SLC24A2: variants seen among roughly 807,000 people sequenced by gnomAD.
The protein encoded by SLC24A2 is sodium/potassium/calcium exchanger 2.
A neutral mutation model predicts 62.0 loss-of-function variants in SLC24A2; 36 were observed. The observed-to-expected ratio is 0.58, with a 90% CI of 0.44 to 0.77. SLC24A2 has a LOEUF of 0.77. Among genes scored for constraint, SLC24A2 ranks in the 30% least tolerant of loss-of-function variants. The probability of loss-of-function intolerance (pLI) is 0.00; values close to 1 mark genes in which losing one functional copy is unlikely to be tolerated. For synonymous variants in SLC24A2, 358 were observed against 294.0 expected (o/e 1.22, Z -2.23); for missense variants, 846 against 817.9 (o/e 1.03, Z -0.42).
chr9:20,202,239 C>T, the SLC24A2 span, among the ~76,000 whole-genome samples: 4 of 152,190 alleles, frequency 2.6e-5, no homozygotes, highest in Non-Finnish European at 5.9e-5. Flanking sequence ...TTGTGCAAAA[C>T]ACGCCAGAGA....
intron 8 of SLC24A2, among the ~76,000 whole-genome samples, chr9:19,542,836 G>C (rs183091673): frequency 6.6e-6 from 1 of 152,130 alleles, no homozygotes; most frequent in Non-Finnish European, 1.5e-5. Flanking sequence ...GATTTGGTTT[G>C]CCAGTATTTT....
intron 2 of SLC24A2, among the ~76,000 whole-genome samples, chr9:19,709,931 A>G (rs552377397): frequency 2.0e-5 from 3 of 152,210 alleles, no homozygotes; most frequent in Non-Finnish European, 2.9e-5. Context: ...AAAGAAATGA[A>G]GGACCTTGAA....
chr9:20,298,489 A>C, the SLC24A2 span, among the ~76,000 whole-genome samples: 1 of 152,214 alleles, frequency 6.6e-6, no homozygotes, highest in Non-Finnish European at 1.5e-5. Flanking sequence ...TCGGCCTCCC[A>C]AAGTGCTGGG....
chr9:20,154,649 TAAA>T, the SLC24A2 span, among the ~76,000 whole-genome samples: 105 of 147,336 alleles, frequency 7.1e-4, 1 homozygote, highest in South Asian at 9.0e-3. Flanking sequence ...TTTCTAAGGT[TAAA>T]AAAAAAAAAA....
At chr9:19,770,715 T>A (rs1414483017) in intron 2 of SLC24A2, among the ~76,000 whole-genome samples, 1 of 152,198 alleles carries the variant, frequency 6.6e-6, no homozygotes, top group Non-Finnish European at 1.5e-5. Flanking sequence ...TGAGATAGGT[T>A]TATAGAAACT....
the SLC24A2 span, among the ~76,000 whole-genome samples, chr9:20,166,765 G>C: frequency 6.6e-6 from 1 of 151,958 alleles, no homozygotes; most frequent in African/African-American, 2.4e-5. Context: ...ATGTGTTACT[G>C]TCCTTCATAT....
chr9:20,030,646 T>C, the SLC24A2 span, among the ~76,000 whole-genome samples: 1 of 152,204 alleles, frequency 6.6e-6, no homozygotes, highest in Non-Finnish European at 1.5e-5. Flanking sequence ...GCAGCATCAC[T>C]TACAGACTTT....
chr9:20,127,521 G>C, the SLC24A2 span, among the ~76,000 whole-genome samples: 1 of 152,106 alleles, frequency 6.6e-6, no homozygotes, highest in Non-Finnish European at 1.5e-5. Flanking sequence ...TAAGACCTGG[G>C]TTTAATCCCC....
the SLC24A2 span, among the ~76,000 whole-genome samples, chr9:20,111,108 G>T: frequency 1.3e-5 from 2 of 152,140 alleles, no homozygotes; most frequent in African/African-American, 4.8e-5. Flanking sequence ...TTTCCATCTT[G>T]CTAGTAGCCC....
chr9:19,889,882 T>C, the SLC24A2 span, among the ~76,000 whole-genome samples: 4 of 152,242 alleles, frequency 2.6e-5, no homozygotes, highest in Non-Finnish European at 1.5e-5. Context: ...TTTTGAAATA[T>C]CTATTTAAAG....
At chr9:19,826,939 C>T in the SLC24A2 span, among the ~76,000 whole-genome samples, 1 of 152,126 alleles carries the variant, frequency 6.6e-6, no homozygotes, top group African/African-American at 2.4e-5. Flanking sequence ...TCCCTCCTTA[C>T]TGTATCTTCT....
At chr9:19,981,139 T>C in the SLC24A2 span, among the ~76,000 whole-genome samples, 2 of 152,326 alleles carry the variant, frequency 1.3e-5, no homozygotes. Flanking sequence ...TTTCTTCAGA[T>C]TGTTTCAAAA....
chr9:19,664,481 T>G (rs1819191639), intron 2 of SLC24A2, among the ~76,000 whole-genome samples: 1 of 152,208 alleles, frequency 6.6e-6, no homozygotes, highest in South Asian at 2.1e-4. Context: ...TCCTGTTGTA[T>G]AAATGAGAAA....
chr9:19,611,179 G>A (rs934725220), intron 4 of SLC24A2, among the ~76,000 whole-genome samples: 1 of 152,058 alleles, frequency 6.6e-6, no homozygotes, highest in Admixed American at 6.6e-5. Context: ...AGAAAAAGGG[G>A]GAACATGTGT....
chr9:19,512,311 C>G lies in SLC24A2; in HGVS notation c.*3842G>C, dbSNP rs984734269. ...TTATGATGGCCCTTGTCAGGTGACACCTGTTAGAAGCCTTACAAAGCATTT... is the reference window on the plus strand; with the variant it reads ...TTATGATGGCCCTTGTCAGGTGACAGCTGTTAGAAGCCTTACAAAGCATTT... On this transcript the variant is annotated 3_prime_UTR_variant, in exon 11 of 11. Coordinates refer to ENST00000341998, the MANE Select transcript of SLC24A2 (RefSeq NM_020344.4). 9 of 152,246 alleles carry G rather than the reference C, an allele frequency of 5.9e-5. No individual in the cohort carries two copies. The highest frequency in any genetic ancestry group is 3.3e-4 in the Admixed American group (5 of 15,286). 9.4% of individuals were successfully genotyped at this position (152,246 alleles called of 1,614,324 possible). A position where few individuals can be genotyped will look rare whatever the true frequency, so the allele number is the denominator to read the frequency against.
At chr9:20,238,366 C>T in the SLC24A2 span, among the ~76,000 whole-genome samples, 1 of 152,146 alleles carries the variant, frequency 6.6e-6, no homozygotes, top group Admixed American at 6.5e-5. Context: ...GGCTGAAAAA[C>T]CAATTTAGCC....
At chr9:19,930,349 T>C in the SLC24A2 span, among the ~76,000 whole-genome samples, 1 of 152,228 alleles carries the variant, frequency 6.6e-6, no homozygotes, top group Admixed American at 6.5e-5. Flanking sequence ...TGTGTTACAA[T>C]TGCCTGTAGT....
chr9:19,934,157 G>C, the SLC24A2 span, among the ~76,000 whole-genome samples: 3 of 152,164 alleles, frequency 2.0e-5, no homozygotes, highest in African/African-American at 7.2e-5. The surrounding 1 kb of genome is among the most constrained non-coding windows in gnomAD (Gnocchi z 4.1). Flanking sequence ...CAGATTTTCA[G>C]AGCAAACTAA....
chr9:20,105,224 C>G, the SLC24A2 span, among the ~76,000 whole-genome samples: 25 of 145,864 alleles, frequency 1.7e-4, no homozygotes, highest in African/African-American at 3.6e-4. Flanking sequence ...TACAAAGAGA[C>G]TTAGACTCCC....
Sources: gnomAD v4.1 joint callset for allele counts (sites outside exome capture counted in the v4.1 genomes callset) on GRCh38, gnomAD v4.1.1 for gene constraint, Gnocchi (gnomAD v3.1) non-coding constraint, MANE v1.5 for transcripts, NCBI Gene and HGNC (gene_info 2026-07-23, HGNC 2026-07-21) for gene names.